PRKCH: variants seen among roughly 807,000 people sequenced by gnomAD.
PRKCH encodes protein kinase C eta type.
A neutral mutation model predicts 82.5 loss-of-function variants in PRKCH; 28 were observed. The observed-to-expected ratio is 0.34, with a 90% confidence interval of 0.25 to 0.47. PRKCH has a LOEUF of 0.47. Among genes scored for constraint, PRKCH ranks in the 20% least tolerant of loss-of-function variants. The pLI is 1.00. For missense variants in PRKCH, 705 were observed against 881.8 expected (o/e 0.80, Z 2.54); for synonymous variants, 322 against 327.4 (o/e 0.98, Z 0.18).
rs139449371 is a variant in PRKCH at position 61,457,636 on chromosome 14, A to G, written c.1235A>G (p.Asn412Ser). ...TEKRILSLARNHPFLTQLFCC... is the reference protein window; with the variant it reads ...TEKRILSLARSHPFLTQLFCC... ...AAAAGGATCCTGTCTCTGGCCCGCA[A>G]TCACCCCTTCCTCACTCAGTTGTTC... is the stretch of plus-strand genomic sequence containing the variant. The change falls in exon 9 of 14, where the codon AAT (asparagine) becomes AGT (serine). Residue 412 changes from asparagine to serine, a missense_variant. By Grantham distance (46) the Asn-to-Ser change is conservative. This residue lies in a region of PRKCH where 238 missense variants were observed against 258.1 expected (regional missense o/e 0.92). Coordinates refer to ENST00000332981, the MANE Select transcript of PRKCH (RefSeq NM_006255.5). 6.8e-6 allele frequency: 11 copies of G among 1,613,990 alleles called. No individual in the cohort carries two copies. Among genetic ancestry groups the G allele is most frequent in the African/African-American group, 6.7e-5 (5 of 74,916 alleles).
intron 1 of PRKCH, among the ~76,000 whole-genome samples, chr14:61,225,360 T>G (rs2044689026): frequency 6.6e-6 from 1 of 152,234 alleles, no homozygotes; most frequent in Non-Finnish European, 1.5e-5. Flanking sequence ...TCCCAGAGTT[T>G]CAGAGTTCCT....
intron 10 of PRKCH, among the ~76,000 whole-genome samples, chr14:61,512,943 A>G (rs543948958): frequency 9.2e-5 from 14 of 152,194 alleles, no homozygotes; most frequent in Admixed American, 6.5e-4. Flanking sequence ...CAGTCTCCCA[A>G]GTAGCTGGGA....
chr14:61,367,255 G>GC (rs1187934182), intron 1 of PRKCH, among the ~76,000 whole-genome samples: 1 of 152,022 alleles, frequency 6.6e-6, no homozygotes, highest in Non-Finnish European at 1.5e-5. Context: ...ATGTGCATCT[G>GC]CCCCTAACCC....
At chr14:61,488,580 A>G (rs992864343) in intron 10 of PRKCH, among the ~76,000 whole-genome samples, 1 of 152,206 alleles carries the variant, frequency 6.6e-6, no homozygotes, top group African/African-American at 2.4e-5. Context: ...GTACCATTAC[A>G]GTGTCAGCTT....
intron 1 of PRKCH, among the ~76,000 whole-genome samples, chr14:61,307,758 T>G (rs1215103492): frequency 6.6e-6 from 1 of 152,238 alleles, no homozygotes; most frequent in Non-Finnish European, 1.5e-5. Context: ...ATGGCCATAT[T>G]TCTGTGTGAT....
chr14:61,350,951 A>G lies in PRKCH; in HGVS notation c.363+28487A>G, dbSNP rs151038121. The stretch of plus-strand genomic sequence containing the variant: ...TGCCAGTTTGTCTTAAGTGGCCTCA[A>G]TCAAGGAAACAAGTAGTTCGGCTGC... On this transcript the variant is annotated intron_variant, in intron 1 of 13. Coordinates refer to ENST00000332981, the MANE Select transcript of PRKCH (RefSeq NM_006255.5). Among the ~76,000 whole-genome samples the G allele has an allele frequency of 2.7e-3, 414 of 152,314 alleles. 2 individuals are homozygous for G. Among genetic ancestry groups the G allele is most frequent in the African/African-American group, 9.5e-3 (394 of 41,564 alleles).
chr14:61,272,096 C>T (rs1022716281), intron 1 of PRKCH, among the ~76,000 whole-genome samples: 2 of 151,624 alleles, frequency 1.3e-5, no homozygotes, highest in Admixed American at 6.6e-5. Flanking sequence ...GGCGTGGTGG[C>T]GGGCGCCTGT....
intron 1 of PRKCH, among the ~76,000 whole-genome samples, chr14:61,234,351 T>C (rs1257188415): frequency 6.6e-6 from 1 of 152,064 alleles, no homozygotes; most frequent in Non-Finnish European, 1.5e-5. Context: ...GGGGAAGAGA[T>C]GAAAACAAAA....
intron 1 of PRKCH, chr14:61,281,142 G>T: frequency 7.4e-7 from 1 of 1,350,592 alleles, no homozygotes. Flanking sequence ...TGGCGCTCCA[G>T]GTCATGGCGG....
At chr14:61,287,889 T>C (rs1374838576) in intron 1 of PRKCH, among the ~76,000 whole-genome samples, 1 of 152,104 alleles carries the variant, frequency 6.6e-6, no homozygotes, top group Non-Finnish European at 1.5e-5. Context: ...GTAGTGAAAC[T>C]CACTGGTTTG....
intron 1 of PRKCH, among the ~76,000 whole-genome samples, chr14:61,262,219 T>TAAATAAAAAAAAAAAAAAAAAAAA (rs1356058235): frequency 1.9e-5 from 2 of 106,590 alleles, no homozygotes; most frequent in Middle Eastern, 4.9e-3. Flanking sequence ...AGACTCTGTA[T>TAAATAAAAAAAAAAAAAAAAAAAA]AAAAAAAAAA....
intron 1 of PRKCH, among the ~76,000 whole-genome samples, chr14:61,287,290 A>AG (rs1479537446): frequency 7.0e-6 from 1 of 142,376 alleles, no homozygotes; most frequent in Non-Finnish European, 1.5e-5. Flanking sequence ...GTTTGGCTGT[A>AG]GGGGTTGTGC....
At chr14:61,194,801 T>C (rs2044429904) in intron 1 of PRKCH, among the ~76,000 whole-genome samples, 1 of 152,170 alleles carries the variant, frequency 6.6e-6, no homozygotes. Flanking sequence ...TGGGGCGACC[T>C]CGGCTCACTG....
At chr14:61,277,860 A>C (rs2140089971) in intron 1 of PRKCH, 1 of 152,310 alleles carries the variant, frequency 6.6e-6, no homozygotes, top group Non-Finnish European at 1.5e-5. Flanking sequence ...ACTGAATGTT[A>C]CTATAAAAGA....
chr14:61,504,679 G>C (rs979629919), intron 10 of PRKCH, among the ~76,000 whole-genome samples: 1 of 152,172 alleles, frequency 6.6e-6, no homozygotes, highest in African/African-American at 2.4e-5. Flanking sequence ...CTCTCGTTCA[G>C]AAATAGGAAA....
chr14:61,265,425 G>A (rs1315609904), intron 1 of PRKCH, among the ~76,000 whole-genome samples: 1 of 152,214 alleles, frequency 6.6e-6, no homozygotes, highest in Non-Finnish European at 1.5e-5. Context: ...AAGCTGCAGT[G>A]AGCCAAGATC....
chr14:61,343,148 T>C (rs1007678302), intron 1 of PRKCH, among the ~76,000 whole-genome samples: 1 of 152,170 alleles, frequency 6.6e-6, no homozygotes, highest in African/African-American at 2.4e-5. Context: ...AAGGCCTGAT[T>C]GGCGTTTCCA....
rs756144894 is a variant in PRKCH at position 61,280,989 on chromosome 14, G to GAGGCCC, written c.-19+93333_-19+93338dup. On this transcript the variant is annotated intron_variant, in intron 1 of 3. Coordinates refer to the PRKCH transcript ENST00000555185. This position sits in a 1 kb window ranked among gnomAD's most constrained non-coding sequence, Gnocchi z 5.0. The stretch of plus-strand genomic sequence containing the variant: ...CCTTGATGCCGTTGGAGGAGTAGTA[G>GAGGCCC]AGGCCCAGGCCCAGGCCGATGAAGG... 74 of 1,542,246 alleles carry GAGGCCC rather than the reference G, an allele frequency of 4.8e-5. No individual in the cohort carries two copies. The highest frequency in any genetic ancestry group is 1.6e-4 in the South Asian group (13 of 83,570).
intron 1 of PRKCH, among the ~76,000 whole-genome samples, chr14:61,246,676 C>T (rs1316877821): frequency 6.6e-6 from 1 of 152,134 alleles, no homozygotes; most frequent in Non-Finnish European, 1.5e-5. Context: ...TCTGCAGCCT[C>T]ATTTCTTCTC....
Sources: allele counts gnomAD v4.1 joint callset (sites outside exome capture counted in the v4.1 genomes callset), GRCh38; gene constraint gnomAD v4.1.1; regional missense constraint gnomAD v4.1.1; non-coding constraint Gnocchi (gnomAD v3.1); transcripts MANE v1.5; gene names NCBI Gene and HGNC (gene_info 2026-07-23, HGNC 2026-07-21).